Variants in MECOM observed in about 807,000 individuals in gnomAD.
The protein encoded by MECOM is histone-lysine N-methyltransferase MECOM.
In MECOM, 13 loss-of-function variants were observed where a neutral mutation model predicts 116.3. That is an observed-to-expected ratio of 0.11 (90% CI 0.07 to 0.18). The LOEUF is 0.18. MECOM is among the 10% of genes least tolerant of loss of function. MECOM has a pLI of 1.00. For missense variants in MECOM, 1,299 were observed against 1,509.0 expected (o/e 0.86, Z 2.31); for synonymous variants, 528 against 535.2 (o/e 0.99, Z 0.19).
intron 2 of MECOM, among the ~76,000 whole-genome samples, chr3:169,255,873 G>C (rs1253525413): frequency 6.6e-6 from 1 of 152,046 alleles, no homozygotes; most frequent in Non-Finnish European, 1.5e-5. Flanking sequence ...CATTTTTAAA[G>C]ATCATTTTGT....
At chr3:169,398,058 G>A (rs1462646160) in intron 1 of MECOM, among the ~76,000 whole-genome samples, 1 of 152,090 alleles carries the variant, frequency 6.6e-6, no homozygotes, top group Non-Finnish European at 1.5e-5. Flanking sequence ...CCCAATACCT[G>A]GGATGAGCTT....
chr3:169,499,849 T>C lies in MECOM; in HGVS notation c.38-118325A>G, dbSNP rs192303319. Among the ~76,000 whole-genome samples the C allele has an allele frequency of 2.5e-4, 38 of 152,010 alleles. No individual in the cohort carries two copies. In the East Asian group the frequency reaches 7.1e-3, roughly 29 times the overall value. On this transcript the variant is annotated intron_variant, in intron 1 of 16. Transcript: ENST00000651503. The stretch of plus-strand genomic sequence containing the variant: ...CTAACTGCAGACATTTTTAGGAAAA[T>C]TAAAAATTATAATGTATATTAAGGG...
At chr3:169,408,026 T>C (rs1053550879) in intron 1 of MECOM, among the ~76,000 whole-genome samples, 1 of 152,216 alleles carries the variant, frequency 6.6e-6, no homozygotes, top group Non-Finnish European at 1.5e-5. Context: ...TATAGTGTGA[T>C]TTCCATTGCT....
Position 169,127,840 on chromosome 3 carries a change from T to C in MECOM, c.830+4A>G, listed in dbSNP as rs750354791. ...GTTGTATGGTACAACATGCCATTTC[T>C]AACCTTTGCAAATCAGGAAAAACTT... On this transcript the variant is annotated splice_donor_region_variant and intron_variant, in intron 5 of 16. Coordinates refer to ENST00000651503, the MANE Select transcript of MECOM (RefSeq NM_004991.4). 6.2e-7 allele frequency: 1 copy of C among 1,612,326 alleles called. No homozygotes were observed. The highest frequency in any genetic ancestry group is 8.5e-7 in the Non-Finnish European group (1 of 1,178,394).
At chr3:169,092,444 A>T (rs1720031592) in intron 14 of MECOM, among the ~76,000 whole-genome samples, 1 of 151,958 alleles carries the variant, frequency 6.6e-6, no homozygotes, top group Non-Finnish European at 1.5e-5. Context: ...GAATATACAT[A>T]TATGTATTTA....
At chr3:169,479,879 T>C (rs1324326190) in intron 1 of MECOM, among the ~76,000 whole-genome samples, 1 of 152,198 alleles carries the variant, frequency 6.6e-6, no homozygotes, top group Admixed American at 6.5e-5. Context: ...TAAAATCTCT[T>C]ATTTTAATAC....
At chr3:169,344,097 A>G (rs746695803) in intron 2 of MECOM, among the ~76,000 whole-genome samples, 42 of 152,164 alleles carry the variant, frequency 2.8e-4, no homozygotes, top group Non-Finnish European at 5.4e-4. Context: ...AAAATAAAAG[A>G]TTGATCTTTG....
chr3:169,191,351 T>C (rs1747516444), intron 2 of MECOM, among the ~76,000 whole-genome samples: 1 of 145,492 alleles, frequency 6.9e-6, no homozygotes, highest in Non-Finnish European at 1.5e-5. Context: ...AGCACCTGCC[T>C]GGACCAGGGA....
intron 2 of MECOM, among the ~76,000 whole-genome samples, chr3:169,265,917 A>G (rs1364003710): frequency 2.0e-5 from 3 of 152,132 alleles, no homozygotes; most frequent in African/African-American, 7.2e-5. Context: ...TACTCAGGGG[A>G]CAGAGTAACA....
intron 1 of MECOM, among the ~76,000 whole-genome samples, chr3:169,578,939 C>T (rs1013338985): frequency 3.3e-5 from 5 of 152,146 alleles, no homozygotes; most frequent in Admixed American, 3.3e-4. Flanking sequence ...CTAATAAACA[C>T]AGACTGAAGG....
At chr3:169,441,744 T>TTTTTTTTTTTTTTTTTTTTG (rs1237906532) in intron 1 of MECOM, among the ~76,000 whole-genome samples, 4 of 142,096 alleles carry the variant, frequency 2.8e-5, no homozygotes, top group Non-Finnish European at 4.7e-5. Flanking sequence ...TTTTTTTTTT[T>TTTTTTTTTTTTTTTTTTTTG]AAAAAAGGGG....
intron 2 of MECOM, among the ~76,000 whole-genome samples, chr3:169,254,706 G>A (rs1456474779): frequency 1.3e-5 from 2 of 151,822 alleles, no homozygotes; most frequent in Non-Finnish European, 2.9e-5. Flanking sequence ...CCTAAAATAA[G>A]GTATAAAAAG....
intron 1 of MECOM, among the ~76,000 whole-genome samples, chr3:169,562,139 C>CAAAAAAAAAAAA (rs10714325): frequency 1.6e-4 from 4 of 25,286 alleles, no homozygotes; most frequent in South Asian, 1.7e-3. Flanking sequence ...GAGCAATACT[C>CAAAAAAAAAAAA]AAAAAAAAAA....
chr3:169,089,093 A>G lies in MECOM; in HGVS notation c.3492T>C (p.Asp1164=), dbSNP rs763408538. The G allele has an allele frequency of 1.9e-6, 3 of 1,610,970 alleles. No individual in the cohort carries two copies. In the South Asian group the frequency reaches 3.3e-5, roughly 18 times the overall value. The change falls in exon 16 of 17, where the codon GAT becomes GAC. Residue 1164 remains aspartate (D), a synonymous_variant. Transcript: ENST00000651503. The stretch of plus-strand genomic sequence containing the variant: ...ACAGCTCAGCTTCAGAATATTGATT[A>G]TCTTCCATTTTCCTCATTTTGAGGC... ...TDSLKMRKME[D]NQYSEAELSS...
chr3:169,230,086 C>T (rs1285473623), intron 2 of MECOM, among the ~76,000 whole-genome samples: 4 of 151,992 alleles, frequency 2.6e-5, no homozygotes, highest in Non-Finnish European at 5.9e-5. Context: ...TTTGGATTTA[C>T]TTCTATGTTT....
chr3:169,263,139 T>G (rs1190969745), intron 2 of MECOM, among the ~76,000 whole-genome samples: 2 of 119,316 alleles, frequency 1.7e-5, no homozygotes, highest in African/African-American at 6.4e-5. Context: ...GTTTTTTTTT[T>G]TTTTTTTGAG....
rs547350127 is a variant in MECOM, at chr3:169,566,508, G to C, written c.37+96828C>G. 2.6e-5 allele frequency among the ~76,000 whole-genome samples: 4 copies of C among 152,260 alleles called. No individual in the cohort carries two copies. In the South Asian group the frequency reaches 8.3e-4, roughly 32 times the overall value. ...TACAACCACAATTTGCTGATTGCCA[G>C]GTACCATGCAATGGGGCTTTACCTA... is the stretch of plus-strand genomic sequence containing the variant. On this transcript the variant is annotated intron_variant, in intron 1 of 16. Transcript: ENST00000651503.
intron 1 of MECOM, among the ~76,000 whole-genome samples, chr3:169,566,384 C>A (rs575242455): frequency 6.6e-6 from 1 of 152,314 alleles, no homozygotes; most frequent in South Asian, 2.1e-4. Flanking sequence ...ACACCCCACT[C>A]CTGCTGAGAG....
At chr3:169,181,840 G>A (rs755828696) in intron 2 of MECOM, among the ~76,000 whole-genome samples, 17 of 152,132 alleles carry the variant, frequency 1.1e-4, no homozygotes, top group Non-Finnish European at 1.8e-4. Flanking sequence ...CCAACTCCCT[G>A]CTTCTGTGAC....
Sources: allele counts gnomAD v4.1 joint callset (sites outside exome capture counted in the v4.1 genomes callset), GRCh38; gene constraint gnomAD v4.1.1; transcripts MANE v1.5; gene names NCBI Gene and HGNC (gene_info 2026-07-23, HGNC 2026-07-21).